NEK7: variants seen among roughly 807,000 people sequenced by gnomAD.
The protein encoded by NEK7 is serine/threonine-protein kinase Nek7.
NEK7 carries 18 observed loss-of-function variants against 44.6 expected under a neutral mutation model. The observed-to-expected ratio is 0.40, with a 90% CI of 0.28 to 0.60. The LOEUF is 0.60. Among genes scored for constraint, NEK7 ranks in the 20% least tolerant of loss-of-function variants. NEK7 has a pLI of 0.38. For synonymous variants in NEK7, 130 were observed against 121.1 expected (o/e 1.07, Z -0.48); for missense variants, 256 against 366.5 (o/e 0.70, Z 2.46).
chr1:198,309,054 A>C lies in NEK7; in HGVS notation c.799-10358A>C, dbSNP rs755755075. On this transcript the variant is annotated intron_variant, in intron 9 of 9. Coordinates refer to ENST00000367385, the MANE Select transcript of NEK7 (RefSeq NM_133494.3). ...AACAGACATTTAATGAAGTACAATAAAGTGTTATAAGGACTTTAATACAAG... is the reference window on the plus strand; with the variant it reads ...AACAGACATTTAATGAAGTACAATACAGTGTTATAAGGACTTTAATACAAG... 2.1e-4 allele frequency among the ~76,000 whole-genome samples: 32 copies of C among 152,186 alleles called. 1 individual carries two copies. The highest frequency in any genetic ancestry group is 1.7e-3 in the Admixed American group (26 of 15,276).
At chr1:198,231,784 T>C (rs1293490893) in intron 1 of NEK7, among the ~76,000 whole-genome samples, 1 of 152,038 alleles carries the variant, frequency 6.6e-6, no homozygotes, top group Non-Finnish European at 1.5e-5. Context: ...AAGAGTATGA[T>C]GAAGTGAAGA....
intron 5 of NEK7, among the ~76,000 whole-genome samples, chr1:198,274,564 G>A (rs1407109661): frequency 6.6e-6 from 1 of 151,606 alleles, no homozygotes; most frequent in Admixed American, 6.6e-5. Context: ...TGTAAAATAA[G>A]ATCATTTTCT....
At chr1:198,244,333 A>G (rs1045780338) in intron 2 of NEK7, among the ~76,000 whole-genome samples, 3 of 152,114 alleles carry the variant, frequency 2.0e-5, no homozygotes, top group African/African-American at 4.8e-5. Flanking sequence ...TGACTCTTCT[A>G]ATTTCCCCAG....
intron 1 of NEK7, among the ~76,000 whole-genome samples, chr1:198,159,984 T>C (rs1664053307): frequency 6.6e-6 from 1 of 152,158 alleles, no homozygotes; most frequent in Non-Finnish European, 1.5e-5. Flanking sequence ...TTTTGGGCTC[T>C]GACTTACTGT....
At chr1:198,222,883 T>C (rs10922383) in intron 1 of NEK7, among the ~76,000 whole-genome samples, 50,012 of 123,656 alleles carry the variant, frequency 0.4, 9,591 homozygotes, top group East Asian at 0.81. Flanking sequence ...AAGCGGGGGG[T>C]GGGGGTGGAT....
intron 1 of NEK7, among the ~76,000 whole-genome samples, chr1:198,159,112 T>C (rs1039863072): frequency 1.3e-5 from 2 of 152,172 alleles, no homozygotes; most frequent in East Asian, 3.9e-4. Flanking sequence ...GAAATTCCGC[T>C]GGGTGCCGGG....
intron 7 of NEK7, among the ~76,000 whole-genome samples, chr1:198,281,236 T>C (rs1244851539): frequency 6.6e-6 from 1 of 152,070 alleles, no homozygotes; most frequent in African/African-American, 2.4e-5. Context: ...TTTTTACTTT[T>C]GGAAAAGTAT....
Position 198,317,877 on chromosome 1 carries a change from A to ATTTTTGTTTTTTTTTTTTTT in NEK7, c.799-1530_799-1529insGTTTTTTTTTTTTTTTTTTT, listed in dbSNP as rs537862004. Among the ~76,000 whole-genome samples the ATTTTTGTTTTTTTTTTTTTT allele has an allele frequency of 2.7e-4, 19 of 70,250 alleles. 3 individuals are homozygous for ATTTTTGTTTTTTTTTTTTTT. Among genetic ancestry groups the ATTTTTGTTTTTTTTTTTTTT allele is most frequent in the East Asian group, 1.0e-3 (2 of 2,008 alleles). 46.1% of individuals were successfully genotyped at this position (70,250 alleles called of 152,430 possible). A position where few individuals can be genotyped will look rare whatever the true frequency, so the allele number is the denominator to read the frequency against. ...GCATTGTGTATTACTGGATATATTT[A>ATTTTTGTTTTTTTTTTTTTT]TTTTTTTTTTTTTTTTTTTTTTTGG... On this transcript the variant is annotated intron_variant, in intron 9 of 9. Coordinates refer to ENST00000367385, the MANE Select transcript of NEK7 (RefSeq NM_133494.3).
At chr1:198,198,110 G>A (rs1232946622) in intron 1 of NEK7, 2 of 1,243,796 alleles carry the variant, frequency 1.6e-6, no homozygotes, top group South Asian at 1.4e-5. Context: ...TGGGTGGGCA[G>A]GATTGGAACC....
intron 5 of NEK7, among the ~76,000 whole-genome samples, chr1:198,270,867 G>C (rs1571592305): frequency 6.6e-6 from 1 of 152,144 alleles, no homozygotes; most frequent in East Asian, 1.9e-4. Context: ...TGGGTTCTCT[G>C]CTGAAGGTCT....
Position 198,320,742 on chromosome 1 carries a change from T to C in NEK7, c.*1220T>C, listed in dbSNP as rs952974606. 4 of 152,182 alleles carry C rather than the reference T, an allele frequency of 2.6e-5. No individual in the cohort carries two copies. Among genetic ancestry groups the C allele is most frequent in the Non-Finnish European group, 4.4e-5 (3 of 68,016 alleles). 9.4% of individuals were successfully genotyped at this position (152,182 alleles called of 1,614,324 possible). A position where few individuals can be genotyped will look rare whatever the true frequency, so the allele number is the denominator to read the frequency against. ...AGTTACAATTTATTTGACAAGGTTG[T>C]AATTCTAGAATATGCTTAATAAAAT... On this transcript the variant is annotated 3_prime_UTR_variant, in exon 10 of 10. Coordinates refer to ENST00000367385, the MANE Select transcript of NEK7 (RefSeq NM_133494.3).
At chr1:198,281,391 ATGTT>A (rs1654193364) in intron 7 of NEK7, among the ~76,000 whole-genome samples, 1 of 152,026 alleles carries the variant, frequency 6.6e-6, no homozygotes, top group South Asian at 2.1e-4. Context: ...ATTTTATTGT[ATGTT>A]GATTCATTTT....
intron 5 of NEK7, among the ~76,000 whole-genome samples, chr1:198,272,877 T>TG (rs1337207798): frequency 1.3e-5 from 2 of 151,812 alleles, no homozygotes; most frequent in Non-Finnish European, 3.0e-5. Flanking sequence ...GCAACTGTTT[T>TG]GGGGAAGTTT....
chr1:198,259,316 C>T (rs559441356), intron 3 of NEK7, among the ~76,000 whole-genome samples: 2 of 152,088 alleles, frequency 1.3e-5, no homozygotes, highest in South Asian at 2.1e-4. Flanking sequence ...AAATGTTGTT[C>T]CACATCATAG....
intron 7 of NEK7, among the ~76,000 whole-genome samples, chr1:198,285,671 AT>A (rs1353083041): frequency 2.6e-5 from 4 of 151,980 alleles, no homozygotes; most frequent in Non-Finnish European, 5.9e-5. Context: ...AACAGATCTC[AT>A]GGCAATGAGT....
chr1:198,295,349 A>T (rs183620250), intron 8 of NEK7, among the ~76,000 whole-genome samples: 1 of 152,224 alleles, frequency 6.6e-6, no homozygotes, highest in African/African-American at 2.4e-5. Flanking sequence ...CCCCCAGAAT[A>T]CTAATCAGGA....
At chr1:198,235,167 C>G (rs1448717635) in intron 2 of NEK7, among the ~76,000 whole-genome samples, 1 of 152,024 alleles carries the variant, frequency 6.6e-6, no homozygotes, top group East Asian at 1.9e-4. Context: ...ATACCAATTC[C>G]CTGTTATAAT....
chr1:198,311,931 A>G (rs886619023), intron 9 of NEK7, among the ~76,000 whole-genome samples: 1 of 152,210 alleles, frequency 6.6e-6, no homozygotes, highest in Non-Finnish European at 1.5e-5. Context: ...CGGCTTTGGT[A>G]TCAGGATGAT....
intron 1 of NEK7, among the ~76,000 whole-genome samples, chr1:198,217,876 A>G (rs377673990): frequency 6.6e-6 from 1 of 151,216 alleles, no homozygotes; most frequent in African/African-American, 2.4e-5. Context: ...CTAGGAATAT[A>G]CTTAACCAAG....
Sources: allele counts gnomAD v4.1 joint callset (sites outside exome capture counted in the v4.1 genomes callset), GRCh38; gene constraint gnomAD v4.1.1; transcripts MANE v1.5; gene names NCBI Gene and HGNC (gene_info 2026-07-23, HGNC 2026-07-21).